The following SLC17A1 variants were observed in gnomAD, a reference collection of about 807,000 sequenced individuals.
The protein encoded by SLC17A1 is sodium-dependent phosphate transport protein 1.
A neutral mutation model predicts 53.5 loss-of-function variants in SLC17A1; 51 were observed. The ratio of observed to expected loss-of-function variants is 0.95; its 90% CI spans 0.76 to 1.20. The LOEUF is 1.20. Ranked by LOEUF, SLC17A1 falls within the 50% of genes most tolerant of loss-of-function variation. The probability of loss-of-function intolerance (pLI) is 0.00; values close to 1 mark genes in which losing one functional copy is unlikely to be tolerated. For missense variants in SLC17A1, 538 were observed against 568.2 expected (o/e 0.95, Z 0.54); for synonymous variants, 179 against 198.8 (o/e 0.90, Z 0.84).
intron 10 of SLC17A1, among the ~76,000 whole-genome samples, chr6:25,806,209 A>G (rs778329961): frequency 3.3e-5 from 5 of 152,134 alleles, no homozygotes; most frequent in Non-Finnish European, 5.9e-5. Flanking sequence ...CATCCTAGGG[A>G]TGCAAGCATG....
rs186131727 is a variant in SLC17A1, at chr6:25,829,049, G to T, written c.34+1475C>A. On this transcript the variant is annotated intron_variant, in intron 2 of 12. Transcript: ENST00000244527. ...AATAAACCATTTTTTTAAAAGCATGGGTGATCTAAGAGGAAAGATGAAATA... is the reference window on the plus strand; with the variant it reads ...AATAAACCATTTTTTTAAAAGCATGTGTGATCTAAGAGGAAAGATGAAATA... Among the ~76,000 whole-genome samples, 7 of 152,184 alleles carry T rather than the reference G, an allele frequency of 4.6e-5. No homozygotes were observed. The East Asian group carries it at 1.2e-3, about 25-fold the overall frequency.
chr6:25,797,269 C>G (rs1000630489), intron 12 of SLC17A1, among the ~76,000 whole-genome samples: 1 of 152,196 alleles, frequency 6.6e-6, no homozygotes, highest in East Asian at 1.9e-4. Flanking sequence ...TATTCTCTCT[C>G]TCTTGATTTC....
At chr6:25,749,076 C>A in the SLC17A1 span, among the ~76,000 whole-genome samples, 176 of 152,310 alleles carry the variant, frequency 1.2e-3, no homozygotes, top group Non-Finnish European at 2.1e-3. Context: ...AGGTGTCAGG[C>A]TGGGGGACGG....
At chr6:25,831,482 C>T (rs751834200) in intron 1 of SLC17A1, among the ~76,000 whole-genome samples, 23 of 152,144 alleles carry the variant, frequency 1.5e-4, no homozygotes, top group Non-Finnish European at 2.6e-4. Context: ...AATGCACACA[C>T]AAACCACCCA....
chr6:25,789,972 T>A (rs941980534), intron 12 of SLC17A1, among the ~76,000 whole-genome samples: 1 of 152,076 alleles, frequency 6.6e-6, no homozygotes, highest in Non-Finnish European at 1.5e-5. Flanking sequence ...TACCCTAAAG[T>A]GTGTGAGTGG....
At chr6:25,732,696 G>A in the SLC17A1 span, 2 of 1,349,378 alleles carry the variant, frequency 1.5e-6, no homozygotes, top group Non-Finnish European at 2.1e-6. Context: ...CTGGCCATCC[G>A]CAACGACAAG....
the SLC17A1 span, among the ~76,000 whole-genome samples, chr6:25,757,799 T>C: frequency 6.6e-6 from 1 of 152,182 alleles, no homozygotes; most frequent in African/African-American, 2.4e-5. Flanking sequence ...TCCTTTATTG[T>C]ACCCCACTGG....
In SLC17A1 at chr6:25,826,631, G is replaced by T; in HGVS notation, c.37C>A (p.Pro13Thr). Reference protein sequence around the residue: ...MDNRLPPKKVPGFCSFRYGLS... With the variant: ...MDNRLPPKKVTGFCSFRYGLS... Reference sequence around the variant, plus strand: ...CCATAGCGAAAGGAACAGAAACCTGGAACTACAAAGTAAAACAGAAAGTCG... The same window carrying T: ...CCATAGCGAAAGGAACAGAAACCTGTAACTACAAAGTAAAACAGAAAGTCG... Residue 13 changes from proline to threonine, a missense_variant and splice_region_variant, in exon 3 of 13, where the codon CCA becomes ACA. By Grantham distance (38) the Pro-to-Thr change is conservative (BLOSUM62 -1). Coordinates refer to ENST00000244527, the MANE Select transcript of SLC17A1 (RefSeq NM_005074.5). The T allele has an allele frequency of 6.4e-7, 1 of 1,560,962 alleles. No individual in the cohort carries two copies. The highest frequency in any genetic ancestry group is 8.7e-7 in the Non-Finnish European group (1 of 1,150,484).
chr6:25,812,540 A>G (rs1013229066), intron 8 of SLC17A1, among the ~76,000 whole-genome samples: 3 of 152,214 alleles, frequency 2.0e-5, no homozygotes, highest in Non-Finnish European at 4.4e-5. Context: ...GGTGGTGTTG[A>G]GCCTTAAGTA....
the SLC17A1 span, among the ~76,000 whole-genome samples, chr6:25,733,029 A>G: frequency 1.3e-3 from 205 of 152,368 alleles, no homozygotes; most frequent in Middle Eastern, 6.8e-3. Context: ...AACAGGACTC[A>G]GAACAGTTCT....
chr6:25,726,562 C>T, the SLC17A1 span: 34 of 1,582,516 alleles, frequency 2.1e-5, no homozygotes, highest in Non-Finnish European at 2.8e-5. Context: ...ACGAGAACCA[C>T]ATTTCTAGGG....
At chr6:25,793,868 G>A (rs1763552878) in intron 12 of SLC17A1, among the ~76,000 whole-genome samples, 1 of 152,150 alleles carries the variant, frequency 6.6e-6, no homozygotes, top group African/African-American at 2.4e-5. Flanking sequence ...ATTTTCCTAT[G>A]ACATTACAAT....
the SLC17A1 span, chr6:25,777,602 AC>A: frequency 2.8e-5 from 6 of 210,940 alleles, no homozygotes; most frequent in African/African-American, 1.4e-4. Context: ...AACAACAACA[AC>A]AACAAAAACC....
chr6:25,764,989 C>G, the SLC17A1 span, among the ~76,000 whole-genome samples: 1 of 152,182 alleles, frequency 6.6e-6, no homozygotes, highest in African/African-American at 2.4e-5. Context: ...TCCTCCTCCC[C>G]ACCCCTGCCA....
At chr6:25,811,916 G>A (rs970383444) in intron 8 of SLC17A1, 146 bp from the exon 9 acceptor site, 147 of 829,750 alleles carry the variant, frequency 1.8e-4, no homozygotes, top group Non-Finnish European at 2.1e-4. Flanking sequence ...ATTACTGCTG[G>A]GACCACATTA....
chr6:25,726,289 A>T, the SLC17A1 span: 1 of 1,614,122 alleles, frequency 6.2e-7, no homozygotes, highest in Non-Finnish European at 8.5e-7. Flanking sequence ...GTGGCGGGGA[A>T]TAATGCGAGT....
At chr6:25,800,404 CTG>C (rs1245901221) in intron 11 of SLC17A1, among the ~76,000 whole-genome samples, 2 of 152,012 alleles carry the variant, frequency 1.3e-5, no homozygotes, top group Non-Finnish European at 1.5e-5. Flanking sequence ...TTTAAAATAA[CTG>C]TTAAAATTTG....
At chr6:25,795,979 T>A (rs1441944466) in intron 12 of SLC17A1, among the ~76,000 whole-genome samples, 1 of 152,082 alleles carries the variant, frequency 6.6e-6, no homozygotes, top group Non-Finnish European at 1.5e-5. Context: ...AATGGAAAAC[T>A]TTGGTATAAC....
chr6:25,767,593 A>G, the SLC17A1 span, among the ~76,000 whole-genome samples: 3 of 152,180 alleles, frequency 2.0e-5, no homozygotes, highest in Non-Finnish European at 4.4e-5. Context: ...GTATCCCCAT[A>G]AAAATATTTA....
Sources: allele counts gnomAD v4.1 joint callset (sites outside exome capture counted in the v4.1 genomes callset), GRCh38; gene constraint gnomAD v4.1.1; transcripts MANE v1.5; gene names NCBI Gene and HGNC (gene_info 2026-07-23, HGNC 2026-07-21).